Variants in SGCZ observed in about 807,000 individuals in gnomAD.
SGCZ encodes the protein sarcoglycan zeta.
In SGCZ, 40 loss-of-function variants were observed where a neutral mutation model predicts 41.3. The ratio of observed to expected loss-of-function variants is 0.97; its 90% CI spans 0.75 to 1.26. The LOEUF is 1.26. Among genes scored for constraint, SGCZ ranks in the 50% most tolerant of loss-of-function variants. The pLI is 0.00. For synonymous variants in SGCZ, 206 were observed against 137.5 expected, an observed-to-expected ratio of 1.50 and a Z score of -3.49; for missense variants, 552 against 369.8, an observed-to-expected ratio of 1.49 and a Z score of -4.04.
chr8:14,934,949 C>T (rs1242370337), intron 1 of SGCZ, among the ~76,000 whole-genome samples: 1 of 150,120 alleles, frequency 6.7e-6, no homozygotes, highest in East Asian at 1.9e-4. Flanking sequence ...CTTCAAAGCC[C>T]CTCAACTTAG....
At chr8:14,999,199 A>G (rs1178081317) in intron 1 of SGCZ, among the ~76,000 whole-genome samples, 1 of 152,226 alleles carries the variant, frequency 6.6e-6, no homozygotes, top group African/African-American at 2.4e-5. Flanking sequence ...CTTATCTAAT[A>G]CATGGGGTTT....
chr8:14,529,524 A>G, intron 2 of SGCZ, among the ~76,000 whole-genome samples: 1 of 152,160 alleles, frequency 6.6e-6, no homozygotes. Context: ...AACTCCAGTA[A>G]GATACATTAG....
chr8:14,205,058 T>C (rs1482948182), intron 4 of SGCZ, among the ~76,000 whole-genome samples: 1 of 152,226 alleles, frequency 6.6e-6, no homozygotes, highest in Non-Finnish European at 1.5e-5. Context: ...ATCAAGTCTA[T>C]CTATACTATT....
At chr8:15,194,391 TTG>T (rs1800649572) in intron 1 of SGCZ, among the ~76,000 whole-genome samples, 1 of 152,174 alleles carries the variant, frequency 6.6e-6, no homozygotes, top group South Asian at 2.1e-4. Flanking sequence ...GTTCTATAAC[TTG>T]TGTGGTAGGT....
intron 3 of SGCZ, among the ~76,000 whole-genome samples, chr8:14,271,444 T>C (rs888111686): frequency 3.4e-4 from 52 of 152,184 alleles, no homozygotes; most frequent in African/African-American, 1.0e-3. Flanking sequence ...TACCCAGCAA[T>C]ATCAAGAACA....
At chr8:15,202,196 C>A (rs1328987674) in intron 1 of SGCZ, among the ~76,000 whole-genome samples, 3 of 152,154 alleles carry the variant, frequency 2.0e-5, no homozygotes, top group Non-Finnish European at 2.9e-5. Context: ...TCATTGCTAA[C>A]CATTGCCTAA....
intron 1 of SGCZ, among the ~76,000 whole-genome samples, chr8:14,994,939 G>A (rs996040350): frequency 6.6e-6 from 1 of 152,152 alleles, no homozygotes; most frequent in Non-Finnish European, 1.5e-5. Context: ...AAACTATTTA[G>A]AAAATAATTT....
intron 1 of SGCZ, among the ~76,000 whole-genome samples, chr8:14,663,941 C>T (rs1035652510): frequency 1.3e-5 from 2 of 152,078 alleles, no homozygotes; most frequent in African/African-American, 4.8e-5. Context: ...AGAGAACCAG[C>T]GGCTTAGACA....
At chr8:15,034,709 C>A (rs1803809672) in intron 1 of SGCZ, among the ~76,000 whole-genome samples, 1 of 152,076 alleles carries the variant, frequency 6.6e-6, no homozygotes, top group Non-Finnish European at 1.5e-5. Context: ...CTGAAAGCAG[C>A]ATGAGAAAAG....
At chr8:14,879,652 T>C (rs1229780464) in intron 1 of SGCZ, 1 of 152,034 alleles carries the variant, frequency 6.6e-6, no homozygotes, top group Non-Finnish European at 1.5e-5. Context: ...AGTTCCTCGT[T>C]GTTTCACTGG....
chr8:14,991,943 T>A (rs950109251), intron 1 of SGCZ, among the ~76,000 whole-genome samples: 1 of 151,518 alleles, frequency 6.6e-6, no homozygotes, highest in Non-Finnish European at 1.5e-5. Context: ...GAATTTTACC[T>A]CTCACCCATC....
chr8:14,692,631 G>A (rs954374716), intron 1 of SGCZ, among the ~76,000 whole-genome samples: 2 of 152,098 alleles, frequency 1.3e-5, no homozygotes, highest in East Asian at 3.9e-4. Flanking sequence ...AATATGCTTT[G>A]CTATCTAATA....
chr8:14,482,214 G>T (rs549509516), intron 2 of SGCZ, among the ~76,000 whole-genome samples: 7 of 152,188 alleles, frequency 4.6e-5, no homozygotes, highest in African/African-American at 1.7e-4. Flanking sequence ...GAGTGTCCAG[G>T]GTAACCACCT....
intron 1 of SGCZ, among the ~76,000 whole-genome samples, chr8:14,907,820 A>G (rs556862655): frequency 6.6e-6 from 1 of 152,316 alleles, no homozygotes; most frequent in Non-Finnish European, 1.5e-5. Flanking sequence ...AATTCCACCT[A>G]TTTCAACCCT....
chr8:15,156,898 A>T (rs56052534), intron 1 of SGCZ, among the ~76,000 whole-genome samples: 1 of 150,480 alleles, frequency 6.6e-6, no homozygotes, highest in African/African-American at 2.5e-5. Flanking sequence ...TAAGCCGAGC[A>T]TGCAGCATCG....
At chr8:15,064,122 C>G (rs1364878240) in intron 1 of SGCZ, among the ~76,000 whole-genome samples, 1 of 152,116 alleles carries the variant, frequency 6.6e-6, no homozygotes, top group African/African-American at 2.4e-5. Context: ...TCTCTTTCTT[C>G]ATTTTATTCC....
At chr8:14,372,623 G>A (rs1335068005) in intron 2 of SGCZ, among the ~76,000 whole-genome samples, 6 of 152,144 alleles carry the variant, frequency 3.9e-5, no homozygotes, top group Non-Finnish European at 1.5e-5. Context: ...TCACTGAATA[G>A]ATAGCATTTT....
At chr8:15,155,863 G>A (rs1799315247) in intron 1 of SGCZ, among the ~76,000 whole-genome samples, 1 of 152,064 alleles carries the variant, frequency 6.6e-6, no homozygotes, top group Non-Finnish European at 1.5e-5. Context: ...CTCGAGATCA[G>A]CCTGGACAAC....
intron 1 of SGCZ, among the ~76,000 whole-genome samples, chr8:15,234,543 C>T (rs1802060273): frequency 6.6e-6 from 1 of 151,932 alleles, no homozygotes; most frequent in East Asian, 2.0e-4. Flanking sequence ...GAAGATGAAA[C>T]ATACTTACCT....
Sources: allele counts gnomAD v4.1 joint callset (sites outside exome capture counted in the v4.1 genomes callset), GRCh38; gene constraint gnomAD v4.1.1; transcripts MANE v1.5; gene names NCBI Gene and HGNC (gene_info 2026-07-23, HGNC 2026-07-21).